Variants in AKAP7 observed in about 807,000 individuals in gnomAD.
The protein encoded by AKAP7 is A-kinase anchoring protein 7.
In AKAP7, 39 loss-of-function variants were observed where a neutral mutation model predicts 39.5. The observed-to-expected ratio is 0.99, with a 90% confidence interval of 0.76 to 1.29. The LOEUF is 1.29. Ranked by LOEUF, AKAP7 falls within the 50% of genes most tolerant of loss-of-function variation. AKAP7 has a pLI of 0.00. For synonymous variants in AKAP7, 140 were observed against 139.1 expected, an observed-to-expected ratio of 1.01 and a Z score of -0.05; for missense variants, 414 against 407.7, an observed-to-expected ratio of 1.02 and a Z score of -0.13.
chr6:131,196,046 C>A (rs183974270), intron 5 of AKAP7, among the ~76,000 whole-genome samples: 110 of 152,246 alleles, frequency 7.2e-4, no homozygotes, highest in Non-Finnish European at 8.5e-4. Flanking sequence ...ACCCCTACCG[C>A]TTTCTCTCCC....
At chr6:131,268,250 G>T (rs1813975705) in intron 7 of AKAP7, among the ~76,000 whole-genome samples, 1 of 152,158 alleles carries the variant, frequency 6.6e-6, no homozygotes, top group Non-Finnish European at 1.5e-5. Context: ...CTGCCTGGGG[G>T]TGGGTGTCTT....
chr6:131,197,102 A>G (rs1469506763), intron 5 of AKAP7, among the ~76,000 whole-genome samples: 1 of 152,054 alleles, frequency 6.6e-6, no homozygotes, highest in Non-Finnish European at 1.5e-5. Flanking sequence ...AGATGTAATA[A>G]CCATGTAAGT....
At chr6:131,128,354 T>C in the AKAP7 span, among the ~76,000 whole-genome samples, 3 of 152,088 alleles carry the variant, frequency 2.0e-5, no homozygotes, top group East Asian at 1.9e-4. Context: ...CATTTGAACA[T>C]TGTAAATAGA....
At chr6:131,154,258 A>G (rs888219293) in intron 2 of AKAP7, among the ~76,000 whole-genome samples, 2 of 152,142 alleles carry the variant, frequency 1.3e-5, no homozygotes, top group African/African-American at 4.8e-5. Context: ...TTCATAACCC[A>G]CTAATGGGTT....
chr6:131,244,029 C>T (rs951971867), intron 7 of AKAP7, among the ~76,000 whole-genome samples: 45 of 145,286 alleles, frequency 3.1e-4, no homozygotes, highest in African/African-American at 1.0e-3. Flanking sequence ...AAGGTTTTAA[C>T]ATCCAAATAT....
chr6:131,214,283 A>G (rs1023674055), intron 6 of AKAP7, among the ~76,000 whole-genome samples: 2 of 152,200 alleles, frequency 1.3e-5, no homozygotes, highest in South Asian at 4.1e-4. Flanking sequence ...GAAAGGTGTA[A>G]TATTGTAAAT....
intron 7 of AKAP7, among the ~76,000 whole-genome samples, chr6:131,268,224 G>A (rs1383926210): frequency 6.6e-6 from 1 of 152,114 alleles, no homozygotes; most frequent in African/African-American, 2.4e-5. Flanking sequence ...CAGGATGAGA[G>A]CACTGTGAAG....
intron 2 of AKAP7, among the ~76,000 whole-genome samples, chr6:131,148,557 A>C (rs1584946840): frequency 6.6e-6 from 1 of 152,222 alleles, no homozygotes; most frequent in African/African-American, 2.4e-5. Flanking sequence ...TAAAATAACG[A>C]ATAAATGTTA....
At chr6:131,242,013 A>C (rs1811663769) in intron 7 of AKAP7, 2 of 954,646 alleles carry the variant, frequency 2.1e-6, no homozygotes, top group African/African-American at 3.5e-5. Context: ...ATGAAGTTTA[A>C]ATTCTGTCTT....
intron 7 of AKAP7, among the ~76,000 whole-genome samples, chr6:131,245,564 A>G (rs1485690336): frequency 2.6e-5 from 4 of 151,820 alleles, no homozygotes; most frequent in Non-Finnish European, 5.9e-5. Context: ...TCTTTTTGGT[A>G]CCCAGTGGCA....
intron 7 of AKAP7, among the ~76,000 whole-genome samples, chr6:131,273,600 C>T (rs1038404819): frequency 3.3e-5 from 5 of 152,100 alleles, no homozygotes; most frequent in African/African-American, 1.2e-4. Flanking sequence ...TTGCATTTTC[C>T]CCCTCCCAAT....
chr6:131,240,931 C>T (rs1562237462), intron 7 of AKAP7, among the ~76,000 whole-genome samples: 1 of 152,198 alleles, frequency 6.6e-6, no homozygotes, highest in Non-Finnish European at 1.5e-5. Flanking sequence ...CACTGTCCTG[C>T]ACCCACTGTC....
chr6:131,250,618 T>G (rs893201151), intron 7 of AKAP7: 21 of 1,613,772 alleles, frequency 1.3e-5, no homozygotes, highest in Non-Finnish European at 1.8e-5. Context: ...GAAAAATCAG[T>G]AAGTGGGATT....
chr6:131,183,695 T>A (rs760503226), intron 5 of AKAP7, among the ~76,000 whole-genome samples: 7 of 151,742 alleles, frequency 4.6e-5, no homozygotes, highest in African/African-American at 7.3e-5. Context: ...AAGCTGCTGC[T>A]CCCCCTGGGG....
chr6:131,138,028 G>C (rs375844759), intron 1 of AKAP7, among the ~76,000 whole-genome samples: 1 of 151,964 alleles, frequency 6.6e-6, no homozygotes, highest in Admixed American at 6.6e-5. Context: ...TCATTGTCGC[G>C]AGCATGCTTC....
chr6:131,274,078 T>C (rs1226747639), intron 7 of AKAP7, among the ~76,000 whole-genome samples: 1 of 152,114 alleles, frequency 6.6e-6, no homozygotes, highest in Non-Finnish European at 1.5e-5. Flanking sequence ...GCATTGTTTC[T>C]GATGAGTAAG....
At chr6:131,210,744 T>C (rs377041614) in intron 6 of AKAP7, among the ~76,000 whole-genome samples, 1 of 152,244 alleles carries the variant, frequency 6.6e-6, no homozygotes, top group African/African-American at 2.4e-5. Context: ...GGGATTTTCA[T>C]TGGCCATTCA....
chr6:131,188,238 A>ATG (rs10636159), intron 5 of AKAP7, among the ~76,000 whole-genome samples: 1 of 3,788 alleles, frequency 2.6e-4, no homozygotes, highest in African/African-American at 3.8e-3. Context: ...ATATTGAAAC[A>ATG]TAGTTCAAGT....
intron 7 of AKAP7, among the ~76,000 whole-genome samples, chr6:131,271,961 T>C (rs1814323071): frequency 1.3e-5 from 2 of 152,192 alleles, no homozygotes; most frequent in Non-Finnish European, 2.9e-5. Flanking sequence ...AGTGCAACCA[T>C]TGCTTTTAGG....
Sources: gnomAD v4.1 joint callset for allele counts (sites outside exome capture counted in the v4.1 genomes callset) on GRCh38, gnomAD v4.1.1 for gene constraint, MANE v1.5 for transcripts, NCBI Gene and HGNC (gene_info 2026-07-23, HGNC 2026-07-21) for gene names.